RFTN1: variants seen among roughly 807,000 people sequenced by gnomAD.
The protein encoded by RFTN1 is raftlin.
A neutral mutation model predicts 46.5 loss-of-function variants in RFTN1; 26 were observed. The observed-to-expected ratio is 0.56, with a 90% CI of 0.41 to 0.78. The LOEUF is 0.78. Ranked by LOEUF, RFTN1 falls within the 30% of genes least tolerant of loss-of-function variation. The pLI, the probability that RFTN1 is intolerant of heterozygous loss-of-function variation, is 0.00. For missense variants in RFTN1, 693 were observed against 718.7 expected, an observed-to-expected ratio of 0.96 and a Z score of 0.41; for synonymous variants, 261 against 284.2, an observed-to-expected ratio of 0.92 and a Z score of 0.82.
In RFTN1 at chr3:16,428,910, TGAAG is replaced by T. The variant is rs2075334815; in HGVS notation, c.332+4937_332+4940del. On this transcript the variant is annotated intron_variant, in intron 3 of 9. Coordinates refer to ENST00000334133, the MANE Select transcript of RFTN1 (RefSeq NM_015150.2). The surrounding 1 kb of genome is among the most constrained non-coding windows in gnomAD (Gnocchi z 4.7). ...TCTAAGGAAAACTACTTGAAAAAAA[TGAAG>T]GATCACTTAACTATACTTAGAATTC... is the stretch of plus-strand genomic sequence containing the variant. Among the ~76,000 whole-genome samples the T allele has an allele frequency of 2.0e-5, 3 of 152,110 alleles. No individual in the cohort carries two copies. Among genetic ancestry groups the T allele is most frequent in the Admixed American group, 1.3e-4 (2 of 15,270 alleles).
rs2070774652 is a variant in RFTN1, at chr3:16,335,688, G to T, written c.1147-8812C>A. Among the ~76,000 whole-genome samples the T allele has an allele frequency of 6.6e-6, 1 of 151,722 alleles. No homozygotes were observed. The highest frequency in any genetic ancestry group is 6.6e-5 in the Admixed American group (1 of 15,248). On this transcript the variant is annotated intron_variant, in intron 7 of 9. Coordinates refer to ENST00000334133, the MANE Select transcript of RFTN1 (RefSeq NM_015150.2). The surrounding 1 kb of genome is among the most constrained non-coding windows in gnomAD (Gnocchi z 4.7). The stretch of plus-strand genomic sequence containing the variant: ...AATGGATGCTGGGCTTCATACCTAG[G>T]TGATAGCCTGATCTGAGCAGCAACA...
chr3:16,367,780 C>T (rs1249772169), intron 6 of RFTN1, among the ~76,000 whole-genome samples: 1 of 152,176 alleles, frequency 6.6e-6, no homozygotes, highest in Non-Finnish European at 1.5e-5. Context: ...CTAACTCAGC[C>T]TTGATCACCA....
chr3:16,508,598 A>G (rs930634497), intron 1 of RFTN1, among the ~76,000 whole-genome samples: 7 of 152,168 alleles, frequency 4.6e-5, no homozygotes, highest in African/African-American at 1.7e-4. Flanking sequence ...TAAAACATGC[A>G]ATGCTAATAA....
chr3:16,396,953 C>T (rs1034757699), intron 4 of RFTN1, among the ~76,000 whole-genome samples: 11 of 151,414 alleles, frequency 7.3e-5, no homozygotes, highest in Non-Finnish European at 1.6e-4. Context: ...ATCCCAGCTA[C>T]TCGGGAGGCT....
chr3:16,363,811 C>T (rs2072979312), intron 6 of RFTN1, among the ~76,000 whole-genome samples: 1 of 152,216 alleles, frequency 6.6e-6, no homozygotes, highest in Non-Finnish European at 1.5e-5. Context: ...CGCCTTCTCT[C>T]CATCAGAGGT....
In RFTN1 at chr3:16,427,799, T is replaced by C. The variant is rs2075312461; in HGVS notation, c.332+6052A>G. On this transcript the variant is annotated intron_variant, in intron 3 of 9. Coordinates refer to ENST00000334133, the MANE Select transcript of RFTN1 (RefSeq NM_015150.2). The surrounding 1 kb of genome is among the most constrained non-coding windows in gnomAD (Gnocchi z 5.4). Reference sequence around the variant, plus strand: ...GCTTCTCATGCCTGCCCTCCCACTGTTTCTCTTTGGACACCACGTTCCACT... The same window carrying C: ...GCTTCTCATGCCTGCCCTCCCACTGCTTCTCTTTGGACACCACGTTCCACT... Among the ~76,000 whole-genome samples, 2 of 152,146 alleles carry C rather than the reference T, an allele frequency of 1.3e-5. No homozygotes were observed. Among genetic ancestry groups the C allele is most frequent in the Non-Finnish European group, 2.9e-5 (2 of 68,010 alleles).
In RFTN1 at chr3:16,338,293, G is replaced by A. The variant is rs936372561; in HGVS notation, c.1147-11417C>T. On this transcript the variant is annotated intron_variant, in intron 7 of 9. Transcript: ENST00000334133. The surrounding 1 kb of genome is among the most constrained non-coding windows in gnomAD (Gnocchi z 5.3). ...AGAACCAGGCAAGGCATGCAACCAC[G>A]CAAGGCTCCTGATCACAGGGAAGGT... Among the ~76,000 whole-genome samples the A allele has an allele frequency of 2.0e-5, 3 of 152,222 alleles. No homozygotes were observed. The highest frequency in any genetic ancestry group is 4.8e-5 in the African/African-American group (2 of 41,456).
intron 9 of RFTN1, 70 bp downstream of exon 9, chr3:16,323,306 T>C (rs2069293481): frequency 8.4e-7 from 1 of 1,190,540 alleles, no homozygotes; most frequent in African/African-American, 1.5e-5. Context: ...CCCCCTCAAA[T>C]GCTGCAGAAA....
intron 7 of RFTN1, among the ~76,000 whole-genome samples, chr3:16,332,979 T>C (rs1396995135): frequency 1.3e-5 from 2 of 152,182 alleles, no homozygotes; most frequent in East Asian, 3.8e-4. Context: ...AAGCATCTGG[T>C]CGCAACAGTT....
chr3:16,386,738 A>G (rs1001247237), intron 4 of RFTN1, among the ~76,000 whole-genome samples: 1 of 152,130 alleles, frequency 6.6e-6, no homozygotes. Flanking sequence ...TGCCCACAGG[A>G]TGTGGTATGG....
In RFTN1 at chr3:16,384,400, C is replaced by A. The variant is rs1455982490; in HGVS notation, c.442-6298G>T. Among the ~76,000 whole-genome samples, 3 of 152,216 alleles carry A rather than the reference C, an allele frequency of 2.0e-5. No homozygotes were observed. Among genetic ancestry groups the A allele is most frequent in the Non-Finnish European group, 4.4e-5 (3 of 68,042 alleles). ...ATGAAATAAAAGTTCGGTACAGGCTCCCAAATGACAGTGAGCCCCAAACAG... is the reference window on the plus strand; with the variant it reads ...ATGAAATAAAAGTTCGGTACAGGCTACCAAATGACAGTGAGCCCCAAACAG... On this transcript the variant is annotated intron_variant, in intron 4 of 9. Coordinates refer to ENST00000334133, the MANE Select transcript of RFTN1 (RefSeq NM_015150.2). This position sits in a 1 kb window ranked among gnomAD's most constrained non-coding sequence, Gnocchi z 4.7.
rs1347014262 is a variant in RFTN1 at position 16,341,862 on chromosome 3, C to A, written c.1147-14986G>T. Among the ~76,000 whole-genome samples the A allele has an allele frequency of 6.6e-6, 1 of 152,036 alleles. No homozygotes were observed. Among genetic ancestry groups the A allele is most frequent in the Non-Finnish European group, 1.5e-5 (1 of 67,996 alleles). On this transcript the variant is annotated intron_variant, in intron 7 of 9. Transcript: ENST00000334133. The surrounding 1 kb of genome is among the most constrained non-coding windows in gnomAD (Gnocchi z 4.7). Reference sequence around the variant, plus strand: ...TATAACAGTTTGAAGAGTATGATACCATTTTTGTAAAAAATATGCAAATAT... The same window carrying A: ...TATAACAGTTTGAAGAGTATGATACAATTTTTGTAAAAAATATGCAAATAT...
chr3:16,387,586 C>CTCTCTCTCTCTCTG lies in RFTN1; in HGVS notation c.442-9485_442-9484insCAGAGAGAGAGAGA. The stretch of plus-strand genomic sequence containing the variant: ...ATCCTCAATTTCTCTCTCTCTCTCT[C>CTCTCTCTCTCTCTG]TCTCTCTCTCTCTCTCTCTCTCTCT... On this transcript the variant is annotated intron_variant, in intron 4 of 9. Coordinates refer to ENST00000334133, the MANE Select transcript of RFTN1 (RefSeq NM_015150.2). The surrounding 1 kb of genome is among the most constrained non-coding windows in gnomAD (Gnocchi z 5.2). Among the ~76,000 whole-genome samples the CTCTCTCTCTCTCTG allele has an allele frequency of 6.7e-6, 1 of 150,320 alleles. No homozygotes were observed. Among genetic ancestry groups the CTCTCTCTCTCTCTG allele is most frequent in the Middle Eastern group, 3.4e-3 (1 of 290 alleles).
intron 1 of RFTN1, among the ~76,000 whole-genome samples, chr3:16,494,374 A>C (rs1456151833): frequency 6.6e-6 from 1 of 152,252 alleles, no homozygotes. Context: ...TTATTTAGAC[A>C]GGAAATTTAT....
At chr3:16,388,603 C>T (rs2074266822) in intron 4 of RFTN1, among the ~76,000 whole-genome samples, 1 of 152,188 alleles carries the variant, frequency 6.6e-6, no homozygotes, top group Non-Finnish European at 1.5e-5. Flanking sequence ...CTCAAGAAAG[C>T]ATTGCTGTTA....
At position 16,487,863 on chromosome 3, in the gene RFTN1, G is replaced by A. The variant is rs577981052; in HGVS notation, c.145+5862C>T. On this transcript the variant is annotated intron_variant, in intron 2 of 9. Transcript: ENST00000334133. ...TGATGCTTTATGGGCCTCCATCTGCGATGAAACCCATCAAAGGGCAGGTTC... is the reference window on the plus strand; with the variant it reads ...TGATGCTTTATGGGCCTCCATCTGCAATGAAACCCATCAAAGGGCAGGTTC... 7.2e-4 allele frequency among the ~76,000 whole-genome samples: 109 copies of A among 152,258 alleles called. 1 individual carries two copies. Among genetic ancestry groups the A allele is most frequent in the Non-Finnish European group, 1.4e-3 (94 of 68,000 alleles).
At chr3:16,455,919 G>T (rs1482522629) in intron 2 of RFTN1, among the ~76,000 whole-genome samples, 1 of 152,118 alleles carries the variant, frequency 6.6e-6, no homozygotes, top group East Asian at 1.9e-4. Context: ...ATGGAAATTA[G>T]AAGATTCTAA....
intron 7 of RFTN1, among the ~76,000 whole-genome samples, chr3:16,328,092 GCCC>G (rs2069914387): frequency 6.6e-6 from 1 of 152,332 alleles, no homozygotes; most frequent in South Asian, 2.1e-4. Context: ...CACAGCCCCG[GCCC>G]CTGGAGTTCA....
chr3:16,419,881 T>C (rs2075153095), intron 3 of RFTN1, among the ~76,000 whole-genome samples: 1 of 152,110 alleles, frequency 6.6e-6, no homozygotes, highest in Admixed American at 6.5e-5. Context: ...GCACTTCTGT[T>C]GAAAAAAGTT....
Sources: allele counts gnomAD v4.1 joint callset (sites outside exome capture counted in the v4.1 genomes callset), GRCh38; gene constraint gnomAD v4.1.1; non-coding constraint Gnocchi (gnomAD v3.1); transcripts MANE v1.5; gene names NCBI Gene and HGNC (gene_info 2026-07-23, HGNC 2026-07-21).